Variants in IFT80 observed in about 807,000 individuals in gnomAD.
IFT80 encodes intraflagellar transport 80, also known as intraflagellar transport protein 80 homolog.
IFT80 carries 79 observed loss-of-function variants against 107.9 expected under a neutral mutation model. The observed-to-expected ratio is 0.73, with a 90% confidence interval of 0.61 to 0.88. The LOEUF (loss-of-function observed/expected upper bound fraction) is 0.88. Ranked by LOEUF, IFT80 falls within the 40% of genes least tolerant of loss-of-function variation. The probability of loss-of-function intolerance (pLI) is 0.00; values close to 1 mark genes in which losing one functional copy is unlikely to be tolerated. For missense variants in IFT80, 797 were observed against 914.2 expected, an observed-to-expected ratio of 0.87 and a Z score of 1.65; for synonymous variants, 299 against 300.9, an observed-to-expected ratio of 0.99 and a Z score of 0.07.
At chr3:160,261,907 A>G (rs904721932) in intron 19 of IFT80, among the ~76,000 whole-genome samples, 17 of 152,020 alleles carry the variant, frequency 1.1e-4, no homozygotes, top group African/African-American at 3.9e-4. Context: ...GCCCTGGAAT[A>G]AGAGCCTTCT....
intron 16 of IFT80, 26 bp downstream of exon 16, chr3:160,279,167 A>C: frequency 2.5e-6 from 4 of 1,589,912 alleles, no homozygotes; most frequent in Non-Finnish European, 3.5e-6. Context: ...ATATATATAC[A>C]ACTATGAATC....
chr3:160,277,267 C>T (rs201630879), intron 18 of IFT80, 39 bp downstream of exon 18: 1 of 1,574,892 alleles, frequency 6.3e-7, no homozygotes, highest in African/African-American at 1.4e-5. Context: ...ACATTAAGGT[C>T]AAACAGATTT....
At chr3:160,313,133 A>G (rs1393001849) in intron 9 of IFT80, among the ~76,000 whole-genome samples, 1 of 128,958 alleles carries the variant, frequency 7.8e-6, no homozygotes, top group East Asian at 2.1e-4. Context: ...TTTTGGTGCC[A>G]AAAGTATGTC....
At chr3:160,353,446 T>A (rs1378378160) in intron 8 of IFT80, among the ~76,000 whole-genome samples, 2 of 152,214 alleles carry the variant, frequency 1.3e-5, no homozygotes, top group Non-Finnish European at 2.9e-5. Context: ...GAAATCTGGA[T>A]TCTGTTGCAT....
chr3:160,356,789 G>C (rs1559958253), intron 7 of IFT80, among the ~76,000 whole-genome samples: 1 of 152,058 alleles, frequency 6.6e-6, no homozygotes, highest in Non-Finnish European at 1.5e-5. Context: ...TCAAAGCACT[G>C]GGGTTATAGG....
chr3:160,396,471 C>T (rs934000444), intron 1 of IFT80, among the ~76,000 whole-genome samples: 2 of 152,078 alleles, frequency 1.3e-5, no homozygotes, highest in African/African-American at 4.8e-5. Flanking sequence ...AAACAAAACA[C>T]ATATTGTTAA....
In IFT80 at chr3:160,263,098, A is replaced by T. The variant is rs569344176; in HGVS notation, c.2224-4463T>A. Among the ~76,000 whole-genome samples the T allele has an allele frequency of 2.8e-4, 42 of 152,316 alleles. No homozygotes were observed. In the South Asian group the frequency reaches 6.0e-3, roughly 22 times the overall value. ...TTCATGTATTCAAACTCAAAGGTCC[A>T]AAATGTGTATATTCTTATGTATTCT... On this transcript the variant is annotated intron_variant, in intron 19 of 19. Transcript: ENST00000326448.
At chr3:160,273,399 T>C (rs1042379224) in intron 18 of IFT80, among the ~76,000 whole-genome samples, 3 of 151,774 alleles carry the variant, frequency 2.0e-5, no homozygotes, top group East Asian at 3.9e-4. Flanking sequence ...ACAGAGTAGA[T>C]ATAGGGAGAT....
intron 1 of IFT80, among the ~76,000 whole-genome samples, chr3:160,394,757 A>G (rs1576914779): frequency 9.4e-6 from 1 of 106,726 alleles, no homozygotes; most frequent in African/African-American, 2.8e-5. Flanking sequence ...CTCAAAAAAG[A>G]AAAAAAAAAA....
At chr3:160,365,277 C>T (rs941350636) in intron 6 of IFT80, among the ~76,000 whole-genome samples, 22 of 152,078 alleles carry the variant, frequency 1.4e-4, no homozygotes, top group Non-Finnish European at 2.9e-4. Context: ...GTTCTGCACA[C>T]CATAAAAATG....
intron 1 of IFT80, among the ~76,000 whole-genome samples, chr3:160,391,288 C>T (rs966435312): frequency 6.6e-6 from 1 of 152,226 alleles, no homozygotes; most frequent in African/African-American, 2.4e-5. Context: ...ATCAGATATA[C>T]TGCCCAACAG....
At chr3:160,277,826 A>G (rs546826730) in intron 16 of IFT80, among the ~76,000 whole-genome samples, 156 bp from the exon 17 acceptor site, 2 of 152,328 alleles carry the variant, frequency 1.3e-5, no homozygotes, top group African/African-American at 2.4e-5. Context: ...TGGGAATTTC[A>G]TTGTGGCCAT....
At chr3:160,348,144 ATTAG>A (rs993172456) in intron 8 of IFT80, among the ~76,000 whole-genome samples, 7 of 152,024 alleles carry the variant, frequency 4.6e-5, no homozygotes, top group African/African-American at 1.7e-4. Context: ...ATATTTATTT[ATTAG>A]TTAAATTGAA....
intron 8 of IFT80, among the ~76,000 whole-genome samples, chr3:160,345,693 CA>C (rs75389794): frequency 0.063 from 4,728 of 74,812 alleles, 64 homozygotes; most frequent in Middle Eastern, 0.094. Flanking sequence ...GACTCTGTCT[CA>C]AAAAAAAAAA....
At position 160,300,917 on chromosome 3, in the gene IFT80, A is replaced by G. The variant is rs1716376329; in HGVS notation, c.1281T>C (p.Asp427=). Reference sequence around the variant, plus strand: ...CAGCTTTGTCTCTTATTGCTATGGTATCATTACTCAAAGACACAGTCTGTG... The same window carrying G: ...CAGCTTTGTCTCTTATTGCTATGGTGTCATTACTCAAAGACACAGTCTGTG... The part of the protein sequence containing the change: ...LNAQTVSLSN[D]TIAIRDKADE... Residue 427 remains aspartate (D), a synonymous_variant, in exon 12 of 20, where the codon GAT becomes GAC. Transcript: ENST00000326448. The G allele has an allele frequency of 6.2e-7, 1 of 1,610,040 alleles. No homozygotes were observed. The highest frequency in any genetic ancestry group is 1.1e-5 in the South Asian group (1 of 90,212).
At chr3:160,305,494 C>T (rs1262524528) in intron 10 of IFT80, among the ~76,000 whole-genome samples, 2 of 151,896 alleles carry the variant, frequency 1.3e-5, no homozygotes, top group Non-Finnish European at 2.9e-5. Flanking sequence ...ATTAACTAAC[C>T]TTCATTCTTT....
At position 160,377,350 on chromosome 3, in the gene IFT80, G is replaced by A. The variant is rs547154520; in HGVS notation, c.370+80C>T. On this transcript the variant is annotated intron_variant, in intron 4 of 19. Transcript: ENST00000326448. ...CTATTACACAATGAAAGACACTATT[G>A]CTAAATGAAAATATTCTGTTTCTTT... 7.3e-6 allele frequency: 6 copies of A among 825,954 alleles called. No individual in the cohort carries two copies. The East Asian group carries it at 1.3e-4, about 17-fold the overall frequency. The allele number at this position is 825,954 out of a possible 1,614,324, so 51.2% of individuals were successfully genotyped here.
At chr3:160,360,065 A>G (rs1253501551) in intron 6 of IFT80, among the ~76,000 whole-genome samples, 1 of 152,240 alleles carries the variant, frequency 6.6e-6, no homozygotes, top group African/African-American at 2.4e-5. Flanking sequence ...CCCAAGCTAA[A>G]GGAGCATGTC....
intron 1 of IFT80, among the ~76,000 whole-genome samples, chr3:160,396,553 G>A (rs1713793151): frequency 6.6e-6 from 1 of 151,984 alleles, no homozygotes; most frequent in East Asian, 1.9e-4. Context: ...TTTTCTCTTT[G>A]AACTTATTTC....
Sources: allele counts gnomAD v4.1 joint callset (sites outside exome capture counted in the v4.1 genomes callset), GRCh38; gene constraint gnomAD v4.1.1; transcripts MANE v1.5; gene names NCBI Gene and HGNC (gene_info 2026-07-23, HGNC 2026-07-21).